RBFOX3: variants seen among roughly 807,000 people sequenced by gnomAD.
RBFOX3 encodes RNA binding protein fox-1 homolog 3.
Under a neutral mutation model 48.7 loss-of-function variants are expected in RBFOX3, and 17 were observed. That is an observed-to-expected ratio of 0.35 (90% confidence interval 0.24 to 0.52). The LOEUF is 0.52. Among genes scored for constraint, RBFOX3 ranks in the 20% least tolerant of loss-of-function variants. RBFOX3 has a pLI of 0.94. For synonymous variants in RBFOX3, 212 were observed against 209.5 expected, an observed-to-expected ratio of 1.01 and a Z score of -0.10; for missense variants, 382 against 497.5, an observed-to-expected ratio of 0.77 and a Z score of 2.21.
chr17:79,146,122 G>A (rs532441171), intron 4 of RBFOX3, among the ~76,000 whole-genome samples: 12 of 152,162 alleles, frequency 7.9e-5, no homozygotes, highest in Non-Finnish European at 1.3e-4. Context: ...ATGAAGAGCG[G>A]ATATGAATAC....
chr17:79,151,976 A>T lies in RBFOX3; in HGVS notation c.-33-36228T>A, dbSNP rs1180491996. Among the ~76,000 whole-genome samples, 2 of 151,422 alleles carry T rather than the reference A, an allele frequency of 1.3e-5. 1 individual carries two copies. Among genetic ancestry groups the T allele is most frequent in the Non-Finnish European group, 3.0e-5 (2 of 67,762 alleles). ...TGGGAGGTGCAGGGGGAGCTCCCAC[A>T]TCCCCCATCCCCAAGGCCCCCTGTC... On this transcript the variant is annotated intron_variant, in intron 4 of 14. Coordinates refer to ENST00000693108, the MANE Select transcript of RBFOX3 (RefSeq NM_001350451.2).
chr17:79,448,332 A>G (rs1259457846), intron 2 of RBFOX3, among the ~76,000 whole-genome samples: 1 of 152,194 alleles, frequency 6.6e-6, no homozygotes, highest in Non-Finnish European at 1.5e-5. Context: ...TGGGACCTCA[A>G]GCTGTGACCT....
intron 3 of RBFOX3, among the ~76,000 whole-genome samples, chr17:79,260,582 G>C (rs1044474806): frequency 2.6e-5 from 4 of 152,176 alleles, no homozygotes; most frequent in Non-Finnish European, 5.9e-5. Flanking sequence ...CTAACTCTGA[G>C]GGCAGCACTG....
chr17:79,631,793 C>T, the RBFOX3 span, among the ~76,000 whole-genome samples: 1 of 152,192 alleles, frequency 6.6e-6, no homozygotes, highest in Non-Finnish European at 1.5e-5. Flanking sequence ...AGGACACAGG[C>T]AGACCCAGCC....
At chr17:79,130,767 T>G (rs2038639798) in intron 4 of RBFOX3, among the ~76,000 whole-genome samples, 2 of 152,194 alleles carry the variant, frequency 1.3e-5, no homozygotes, top group South Asian at 4.1e-4. Flanking sequence ...ACGAGTGGAG[T>G]GCCCTGTCCT....
rs553692357 is a variant in RBFOX3 at position 79,175,239 on chromosome 17, G to A, written c.-33-59491C>T. On this transcript the variant is annotated intron_variant, in intron 4 of 14. Coordinates refer to ENST00000693108, the MANE Select transcript of RBFOX3 (RefSeq NM_001350451.2). ...TGGGCAGCATGAGGTCCCTGACCCT[G>A]AGCACCTGTCATTTCCCAACTGGCA... 6.6e-4 allele frequency among the ~76,000 whole-genome samples: 100 copies of A among 152,358 alleles called. 1 individual carries two copies. Among genetic ancestry groups the A allele is most frequent in the Middle Eastern group, 6.8e-3 (2 of 294 alleles).
chr17:79,375,670 G>A (rs79071358), intron 2 of RBFOX3, among the ~76,000 whole-genome samples: 3,246 of 152,232 alleles, frequency 0.021, 116 homozygotes, highest in African/African-American at 0.074. Flanking sequence ...AGAGGGGATG[G>A]AGTTGCCCCC....
intron 4 of RBFOX3, among the ~76,000 whole-genome samples, chr17:79,119,391 C>A (rs1050347986): frequency 2.0e-5 from 3 of 152,190 alleles, no homozygotes; most frequent in Non-Finnish European, 2.9e-5. Flanking sequence ...CTAATAAAAC[C>A]GAGGTGTAGA....
chr17:79,411,974 G>A (rs2064426483), intron 2 of RBFOX3, among the ~76,000 whole-genome samples: 1 of 151,670 alleles, frequency 6.6e-6, no homozygotes, highest in African/African-American at 2.4e-5. Context: ...ATGCCTGTGG[G>A]CATGATGTGT....
chr17:79,620,546 CATGCACACAT>C, the RBFOX3 span, among the ~76,000 whole-genome samples: 1 of 150,050 alleles, frequency 6.7e-6, no homozygotes, highest in Non-Finnish European at 1.5e-5. Context: ...TGCACACACG[CATGCACACAT>C]GTGCACACCC....
rs1422388647 is a variant in RBFOX3 at position 79,254,084 on chromosome 17, A to C, written c.-73-18279T>G. 6.6e-6 allele frequency among the ~76,000 whole-genome samples: 1 copy of C among 152,170 alleles called. No individual in the cohort carries two copies. The highest frequency in any genetic ancestry group is 2.4e-5 in the African/African-American group (1 of 41,436). ...TTCTGAGTCCTCCATGGTGCAAATG[A>C]AGTCACTGCAATGCCCAGGTCCTGG... On this transcript the variant is annotated intron_variant, in intron 3 of 14. Coordinates refer to ENST00000693108, the MANE Select transcript of RBFOX3 (RefSeq NM_001350451.2). The surrounding 1 kb of genome is among the most constrained non-coding windows in gnomAD (Gnocchi z 4.8).
intron 4 of RBFOX3, among the ~76,000 whole-genome samples, chr17:79,166,376 C>T (rs1441536835): frequency 1.3e-5 from 2 of 152,162 alleles, no homozygotes; most frequent in African/African-American, 4.8e-5. Flanking sequence ...ACTCAGGCAG[C>T]CGAGACTGAG....
At chr17:79,175,392 T>C (rs1248432736) in intron 4 of RBFOX3, among the ~76,000 whole-genome samples, 3 of 152,202 alleles carry the variant, frequency 2.0e-5, no homozygotes, top group African/African-American at 4.8e-5. Context: ...CTGGAGTCCC[T>C]GTCATAACGG....
At chr17:79,260,018 G>A (rs1268442056) in intron 3 of RBFOX3, among the ~76,000 whole-genome samples, 1 of 151,990 alleles carries the variant, frequency 6.6e-6, no homozygotes, top group African/African-American at 2.4e-5. Flanking sequence ...GGTAGAGTGA[G>A]GACCATGGGA....
At chr17:79,367,501 T>C (rs182007322) in intron 2 of RBFOX3, among the ~76,000 whole-genome samples, 1 of 152,100 alleles carries the variant, frequency 6.6e-6, no homozygotes, top group East Asian at 1.9e-4. Flanking sequence ...TGAGCACTCA[T>C]GAGCTCTGGG....
chr17:79,383,845 T>C (rs991811510), intron 2 of RBFOX3, among the ~76,000 whole-genome samples: 3 of 152,128 alleles, frequency 2.0e-5, no homozygotes, highest in Admixed American at 1.3e-4. Context: ...GAGGCCTCCC[T>C]GGCCAACACT....
At chr17:79,478,437 T>C (rs2078286870) in intron 2 of RBFOX3, among the ~76,000 whole-genome samples, 1 of 152,326 alleles carries the variant, frequency 6.6e-6, no homozygotes, top group East Asian at 1.9e-4. Context: ...CTCAGCCCCA[T>C]GGCATGCGCG....
chr17:79,379,809 G>T (rs1233197063), intron 2 of RBFOX3, among the ~76,000 whole-genome samples: 1 of 152,056 alleles, frequency 6.6e-6, no homozygotes. Flanking sequence ...CCCCCAAGAT[G>T]CCATCCGGGT....
chr17:79,271,696 C>A (rs1293756387), intron 3 of RBFOX3, among the ~76,000 whole-genome samples: 1 of 152,214 alleles, frequency 6.6e-6, no homozygotes, highest in Non-Finnish European at 1.5e-5. Flanking sequence ...TGACCCTGGG[C>A]AAATCACCAG....
Sources: allele counts gnomAD v4.1 joint callset (sites outside exome capture counted in the v4.1 genomes callset), GRCh38; gene constraint gnomAD v4.1.1; non-coding constraint Gnocchi (gnomAD v3.1); transcripts MANE v1.5; gene names NCBI Gene and HGNC (gene_info 2026-07-23, HGNC 2026-07-21).